Variants in FAAP100 observed in about 807,000 individuals in gnomAD.
FAAP100 encodes the protein Fanconi anemia core complex-associated protein 100.
In FAAP100, 46 loss-of-function variants were observed where a neutral mutation model predicts 65.8. That is an observed-to-expected ratio of 0.70 (90% CI 0.55 to 0.89). The LOEUF is 0.89. Ranked by LOEUF, FAAP100 falls within the 40% of genes least tolerant of loss-of-function variation. FAAP100 has a pLI of 0.00. For missense variants in FAAP100, 1,165 were observed against 1,196.7 expected (o/e 0.97, Z 0.39); for synonymous variants, 663 against 555.1 (o/e 1.19, Z -2.73).
rs1361438886 is a variant in FAAP100 at position 81,546,956 on chromosome 17, T to C, written c.2126A>G (p.Lys709Arg). 8.2e-6 allele frequency: 12 copies of C among 1,465,522 alleles called. No individual in the cohort carries two copies. The highest frequency in any genetic ancestry group is 5.7e-5 in the South Asian group (4 of 70,016). 90.8% of individuals were successfully genotyped at this position (1,465,522 alleles called of 1,614,324 possible). Residue 709 changes from lysine (K) to arginine (R), a missense_variant, in exon 5 of 9, where the codon AAG (lysine) becomes AGG (arginine). Coordinates refer to ENST00000327787, the MANE Select transcript of FAAP100 (RefSeq NM_025161.6). ...AGCTCTGAGCAGCTCCGCCGACACC[T>C]TGATGGAAGCCACAGATGGGGGCAG... ...EYLPPSVASIKVSAELLRAAL... is the reference protein window; with the variant it reads ...EYLPPSVASIRVSAELLRAAL...
Position 81,551,976 on chromosome 17 carries a change from G to A in FAAP100, c.242C>T (p.Ala81Val), listed in dbSNP as rs1295328379. ...APRRLLYALC[A>V]RRGLYCLSLD... is the part of the protein sequence containing the mutation. ...CGACAGGCAGTAGAGGCCCCTCCGG[G>A]CGCACAGCGCGTACAGCAACCTGCG... Residue 81 changes from alanine (A) to valine (V), a missense_variant, in exon 2 of 9, where the codon GCC becomes GTC. Coordinates refer to ENST00000327787, the MANE Select transcript of FAAP100 (RefSeq NM_025161.6). The A allele has an allele frequency of 1.3e-6, 2 of 1,566,180 alleles. No homozygotes were observed. Among genetic ancestry groups the A allele is most frequent in the Non-Finnish European group, 1.7e-6 (2 of 1,165,268 alleles).
At chr17:81,541,541 C>G in intron 7 of FAAP100, 146 bp from the exon 8 acceptor site, 1 of 710,658 alleles carries the variant, frequency 1.4e-6, no homozygotes, top group Non-Finnish European at 2.4e-6. Context: ...TTGCTGTTTT[C>G]CACCTTGCTG....
At chr17:81,543,343 G>A (rs966505927) in intron 7 of FAAP100, among the ~76,000 whole-genome samples, 4 of 152,218 alleles carry the variant, frequency 2.6e-5, no homozygotes, top group South Asian at 2.1e-4. Context: ...CTCCGGAACC[G>A]GTTTCTAGGG....
At chr17:81,549,002 T>G (rs1283536328) in intron 4 of FAAP100, among the ~76,000 whole-genome samples, 1 of 122,926 alleles carries the variant, frequency 8.1e-6, no homozygotes, top group Non-Finnish European at 1.6e-5. Flanking sequence ...ATCACACCAC[T>G]GCACTCCAGC....
rs146613930 is a variant in FAAP100, at chr17:81,550,376, C to T, written c.1118G>A (p.Arg373Gln). The change falls in exon 3 of 9, where the codon CGG (arginine) becomes CAG (glutamine). Residue 373 changes from arginine (R) to glutamine (Q), a missense_variant. Arg to Gln is a conservative substitution (Grantham distance 43). Transcript: ENST00000327787. ...PSDLCVVDLSRGSTPLGPEQP... is the reference protein window; with the variant it reads ...PSDLCVVDLSQGSTPLGPEQP... ...CTCAGGGCCCAGCGGGGTGCTTCCC[C>T]GAGACAGATCCACCACACAGAGGTC... 7.4e-4 allele frequency: 1,201 copies of T among 1,612,814 alleles called. No homozygotes were observed. The highest frequency in any genetic ancestry group is 9.1e-4 in the Non-Finnish European group (1,076 of 1,180,008).
Position 81,552,308 on chromosome 17 carries a change from A to T in FAAP100, c.23T>A (p.Val8Asp). The change falls in exon 1 of 9, where the codon GTC becomes GAC. Residue 8 changes from valine (V) to aspartate (D), a missense_variant. By Grantham distance (152) the Val-to-Asp change is radical. Transcript: ENST00000327787. ...GCAGCAGAAGCCCGCCAGGTAGCGG[A>T]CCCGCGGCGCGGCGCCGGCCATCGT... MAGAAPR[V>D]RYLAGFCCPL... 1.4e-6 allele frequency: 2 copies of T among 1,417,956 alleles called. No individual in the cohort carries two copies. The highest frequency in any genetic ancestry group is 9.1e-7 in the Non-Finnish European group (1 of 1,095,288). The allele number at this position is 1,417,956 out of a possible 1,614,324, so 87.8% of individuals were successfully genotyped here. A position where few individuals can be genotyped will look rare whatever the true frequency, so the allele number is the denominator to read the frequency against.
rs2033043692 is a variant in FAAP100, at chr17:81,540,486, C to G, written c.*333G>C. The G allele has an allele frequency of 2.4e-6, 1 of 410,796 alleles. No homozygotes were observed. The allele number at this position is 410,796 out of a possible 1,614,324, so 25.4% of individuals were successfully genotyped here. On this transcript the variant is annotated 3_prime_UTR_variant, in exon 9 of 9. Transcript: ENST00000327787. ...AATGCCCTGCACTGCCTCCTGGCCT[C>G]AGGGGCTGCTGCGGTGGTGGGAAGG...
intron 2 of FAAP100, 29 bp downstream of exon 2, chr17:81,551,899 C>T (rs1568101406): frequency 2.0e-6 from 3 of 1,528,232 alleles, no homozygotes; most frequent in African/African-American, 2.8e-5. Flanking sequence ...CAGGAGTGTG[C>T]GGGAGGGAGG....
In FAAP100 at chr17:81,540,576, G is replaced by A; in HGVS notation, c.*243C>T. On this transcript the variant is annotated 3_prime_UTR_variant, in exon 9 of 9. Coordinates refer to ENST00000327787, the MANE Select transcript of FAAP100 (RefSeq NM_025161.6). ...CGCGGTCAGAGAAGGAGAGACACCA[G>A]CAGAGGACGCGAAGCTGGACCGGCC... 1 of 481,464 alleles carries A rather than the reference G, an allele frequency of 2.1e-6. No individual in the cohort carries two copies. 29.8% of individuals were successfully genotyped at this position (481,464 alleles called of 1,614,324 possible).
rs796623349 is a variant in FAAP100 at position 81,540,268 on chromosome 17, AG to A, written c.*550del. The A allele has an allele frequency of 2.5e-6, 1 of 399,004 alleles. No homozygotes were observed. The highest frequency in any genetic ancestry group is 2.1e-5 in the African/African-American group (1 of 48,744). The allele number at this position is 399,004 out of a possible 1,614,324, so 24.7% of individuals were successfully genotyped here. On this transcript the variant is annotated 3_prime_UTR_variant, in exon 9 of 9. Transcript: ENST00000327787. ...GCTGTTTTGTGCTTTGGTCTCAGGG[AG>A]CACCCTCCTACCTCGGGGTCCCAGA...
Position 81,540,503 on chromosome 17 carries a change from G to C in FAAP100, c.*316C>G. The C allele has an allele frequency of 2.4e-6, 1 of 413,908 alleles. No homozygotes were observed. The highest frequency in any genetic ancestry group is 4.0e-5 in the Admixed American group (1 of 24,846). The allele number at this position is 413,908 out of a possible 1,614,324, so 25.6% of individuals were successfully genotyped here. On this transcript the variant is annotated 3_prime_UTR_variant, in exon 9 of 9. Transcript: ENST00000327787. ...CCTGGCCTCAGGGGCTGCTGCGGTG[G>C]TGGGAAGGCTGCCCAGCAGTGAGGA... is the stretch of plus-strand genomic sequence containing the variant.
In FAAP100 at chr17:81,550,581, C is replaced by G. The variant is rs367556392; in HGVS notation, c.913G>C (p.Glu305Gln). The G allele has an allele frequency of 1.2e-6, 2 of 1,612,820 alleles. No homozygotes were observed. The highest frequency in any genetic ancestry group is 4.5e-5 in the East Asian group (2 of 44,892). Residue 305 changes from glutamate to glutamine, a missense_variant, in exon 3 of 9, where the codon GAG (glutamate) becomes CAG (glutamine). By Grantham distance (29) the Glu-to-Gln change is conservative. Transcript: ENST00000327787. ...AEAAENFLPD[E>Q]DVHCDCLVAF... The stretch of plus-strand genomic sequence containing the variant: ...ACCAGGCAGTCACAGTGCACATCCT[C>G]GTCAGGCAGAAAATTCTCTGCAGCT...
At chr17:81,546,822 C>A in intron 5 of FAAP100, 87 bp downstream of exon 5, 1 of 1,294,044 alleles carries the variant, frequency 7.7e-7, no homozygotes, top group Non-Finnish European at 1.0e-6. Flanking sequence ...CCACTGCACT[C>A]CAGCCTGGGC....
chr17:81,540,773 ACAGAGGCTGGAAGCGTGGC>A lies in FAAP100; in HGVS notation c.*27_*45del. On this transcript the variant is annotated 3_prime_UTR_variant, in exon 9 of 9. Transcript: ENST00000327787. Reference sequence around the variant, plus strand: ...ACCCATGAGGCCTGGGGGGGCTGTGACAGAGGCTGGAAGCGTGGCCAGAGCCCAGGGGCAGGCCCGCCTG... The same window carrying A: ...ACCCATGAGGCCTGGGGGGGCTGTGACAGAGCCCAGGGGCAGGCCCGCCTG... 1 of 1,464,398 alleles carries A rather than the reference ACAGAGGCTGGAAGCGTGGC, an allele frequency of 6.8e-7. No homozygotes were observed. Among genetic ancestry groups the A allele is most frequent in the Non-Finnish European group, 9.0e-7 (1 of 1,106,752 alleles). The allele number at this position is 1,464,398 out of a possible 1,614,324, so 90.7% of individuals were successfully genotyped here.
Position 81,547,492 on chromosome 17 carries a change from C to T in FAAP100, c.1590G>A (p.Glu530=). The change falls in exon 5 of 9, where the codon GAG becomes GAA. Residue 530 remains glutamate, a synonymous_variant. Coordinates refer to ENST00000327787, the MANE Select transcript of FAAP100 (RefSeq NM_025161.6). ...QDVLMATCVL[E]NSSSFSLDQG... ...GGTCCAGGCTGAAGCTGCTGCTGTTCTCTAGCACGCAGGTGGCCATGAGCA... is the reference window on the plus strand; with the variant it reads ...GGTCCAGGCTGAAGCTGCTGCTGTTTTCTAGCACGCAGGTGGCCATGAGCA... The T allele has an allele frequency of 6.2e-7, 1 of 1,613,416 alleles. No individual in the cohort carries two copies. Among genetic ancestry groups the T allele is most frequent in the Non-Finnish European group, 8.5e-7 (1 of 1,180,036 alleles).
In FAAP100 at chr17:81,545,811, G is replaced by A. The variant is rs1255226741; in HGVS notation, c.2245C>T (p.Arg749Ter). 4.3e-6 allele frequency: 7 copies of A among 1,612,000 alleles called. No homozygotes were observed. Among genetic ancestry groups the A allele is most frequent in the Non-Finnish European group, 5.1e-6 (6 of 1,179,900 alleles). The change falls in exon 6 of 9, where the codon CGA (arginine) becomes TGA (stop). Residue 749 changes from arginine to a stop codon, truncating the protein, a stop_gained. Coordinates refer to ENST00000327787, the MANE Select transcript of FAAP100 (RefSeq NM_025161.6). LOFTEE classifies it high-confidence loss of function. ...ACTCCCTGGATGGAAGATAGTGCTC[G>A]GGCCCTCACGACGTCCACAGCAGCA... ...ENAAVDVVRA[R>*]ALSSIQGVAP...
At chr17:81,552,377 C>A, upstream of FAAP100, 6 of 1,307,020 alleles carry the variant, frequency 4.6e-6, no homozygotes, top group South Asian at 1.4e-4. Context: ...CGCGCGGCGG[C>A]GGCTCCGCCT....
chr17:81,545,525 G>A (rs914873230), intron 6 of FAAP100, among the ~76,000 whole-genome samples: 1 of 152,244 alleles, frequency 6.6e-6, no homozygotes, highest in Admixed American at 6.5e-5. Flanking sequence ...AGACAGGGAT[G>A]GACAGGGCCA....
intron 7 of FAAP100, 105 bp from the exon 8 acceptor site, chr17:81,541,500 C>A: frequency 1.0e-6 from 1 of 993,580 alleles, no homozygotes. Context: ...GTGCTGCCTC[C>A]CTGCCTGGCA....
Sources: allele counts gnomAD v4.1 joint callset (sites outside exome capture counted in the v4.1 genomes callset), GRCh38; gene constraint gnomAD v4.1.1; transcripts MANE v1.5; gene names NCBI Gene and HGNC (gene_info 2026-07-23, HGNC 2026-07-21).